Variants in SPATA2L observed in about 807,000 individuals in gnomAD.
SPATA2L encodes the protein spermatogenesis associated 2 like.
A neutral mutation model predicts 8.7 loss-of-function variants in SPATA2L; 5 were observed. The ratio of observed to expected loss-of-function variants is 0.57; its 90% CI spans 0.30 to 1.21. The LOEUF is 1.21. SPATA2L is among the 50% of genes most tolerant of loss of function. The probability of loss-of-function intolerance (pLI) is 0.07; values close to 1 mark genes in which losing one functional copy is unlikely to be tolerated. For missense variants in SPATA2L, 671 were observed against 591.0 expected (o/e 1.14, Z -1.40); for synonymous variants, 358 against 275.8 (o/e 1.30, Z -2.95).
chr16:89,699,627 TACA>T (rs2060762481), intron 2 of SPATA2L, among the ~76,000 whole-genome samples: 1 of 151,576 alleles, frequency 6.6e-6, no homozygotes, highest in African/African-American at 2.4e-5. Flanking sequence ...CTCTGCTCAC[TACA>T]ACCTCCACCT....
Position 89,698,309 on chromosome 16 carries a change from C to T in SPATA2L, c.304-4G>A. The T allele has an allele frequency of 1.3e-6, 2 of 1,552,562 alleles. No homozygotes were observed. The highest frequency in any genetic ancestry group is 1.7e-6 in the Non-Finnish European group (2 of 1,145,234). On this transcript the variant is annotated splice_polypyrimidine_tract_variant and splice_region_variant and intron_variant, in intron 2 of 2. Transcript: ENST00000289805. ...GCACGTAGCCCCCAGAGAAGGTCTGCAAGGGAGCGGCCAGGTCAGTGACTG... is the reference window on the plus strand; with the variant it reads ...GCACGTAGCCCCCAGAGAAGGTCTGTAAGGGAGCGGCCAGGTCAGTGACTG...
intron 2 of SPATA2L, among the ~76,000 whole-genome samples, 200 bp downstream of exon 2, chr16:89,700,730 G>C (rs897952279): frequency 6.6e-6 from 1 of 152,100 alleles, no homozygotes; most frequent in Non-Finnish European, 1.5e-5. Flanking sequence ...GCCTGCCCTC[G>C]CCCACCCCAT....
At position 89,701,148 on chromosome 16, in the gene SPATA2L, G is replaced by T. The variant is rs959725159; in HGVS notation, c.85C>A (p.Pro29Thr). 2 of 1,520,464 alleles carry T rather than the reference G, an allele frequency of 1.3e-6. No homozygotes were observed. The highest frequency in any genetic ancestry group is 5.2e-5 in the East Asian group (2 of 38,746). The allele number at this position is 1,520,464 out of a possible 1,614,324, so 94.2% of individuals were successfully genotyped here. Residue 29 changes from proline to threonine, a missense_variant, in exon 2 of 3, where the codon CCC (proline) becomes ACC (threonine). By Grantham distance (38) the Pro-to-Thr change is conservative (BLOSUM62 -1). Transcript: ENST00000289805. ...TGCCAGAGCACCGCGCGCAGCGAGG[G>T]GTCCCCGCACACGCCCGCGCGGCCC... is the stretch of plus-strand genomic sequence containing the variant. ...RRGRAGVCGD[P>T]SLRAVLWQIL...
chr16:89,700,854 G>T (rs1011723426), intron 2 of SPATA2L, 76 bp downstream of exon 2: 2 of 1,366,412 alleles, frequency 1.5e-6, no homozygotes, highest in Admixed American at 3.2e-5. Flanking sequence ...CTCGAAAGGC[G>T]TGGTCCCCCA....
chr16:89,700,089 G>A (rs1192402227), intron 2 of SPATA2L, among the ~76,000 whole-genome samples: 2 of 152,234 alleles, frequency 1.3e-5, no homozygotes, highest in Non-Finnish European at 2.9e-5. Context: ...GAAAGGGGCT[G>A]ACAGAGATTA....
intron 2 of SPATA2L, 85 bp downstream of exon 2, chr16:89,700,845 T>A: frequency 7.4e-7 from 1 of 1,354,224 alleles, no homozygotes; most frequent in Non-Finnish European, 9.6e-7. Flanking sequence ...CCCCTCTCTC[T>A]CGAAAGGCGT....
In SPATA2L at chr16:89,701,068, A is replaced by G. The variant is rs747184734; in HGVS notation, c.165T>C (p.Ala55=). The G allele has an allele frequency of 6.4e-6, 10 of 1,573,814 alleles. No individual in the cohort carries two copies. The highest frequency in any genetic ancestry group is 8.6e-6 in the Non-Finnish European group (10 of 1,164,248). ...LHGALQDDAL[A]LLTDGLWGRA... is the part of the protein sequence containing the mutation. ...GGCCCCACAGCCCGTCGGTGAGCAG[A>G]GCCAGCGCGTCGTCCTGCAGCGCCC... Residue 55 remains alanine (A), a synonymous_variant, in exon 2 of 3, where the codon GCT becomes GCC. Coordinates refer to ENST00000289805, the MANE Select transcript of SPATA2L (RefSeq NM_152339.4).
At chr16:89,701,453 G>T (rs1199463662) in intron 1 of SPATA2L, 175 bp downstream of exon 1, 3 of 435,004 alleles carry the variant, frequency 6.9e-6, no homozygotes, top group East Asian at 3.6e-5. Flanking sequence ...CCAGTTGAGC[G>T]CCCCCGCACC....
chr16:89,701,186 C>T lies in SPATA2L; in HGVS notation c.47G>A (p.Arg16His). The T allele has an allele frequency of 2.7e-6, 4 of 1,482,628 alleles. No homozygotes were observed. Among genetic ancestry groups the T allele is most frequent in the African/African-American group, 1.5e-5 (1 of 68,612 alleles). 91.8% of individuals were successfully genotyped at this position (1,482,628 alleles called of 1,614,324 possible). The change falls in exon 2 of 3, where the codon CGC (arginine) becomes CAC (histidine). Residue 16 changes from arginine (R) to histidine (H), a missense_variant. Arg to His is a conservative substitution (Grantham distance 29). Coordinates refer to ENST00000289805, the MANE Select transcript of SPATA2L (RefSeq NM_152339.4). ...GCCCGCGCGGCCCCGTCGCAGCTCGCGCTCCAGGCACTGGCGGTAGTCCTC... is the reference window on the plus strand; with the variant it reads ...GCCCGCGCGGCCCCGTCGCAGCTCGTGCTCCAGGCACTGGCGGTAGTCCTC... ...LSEDYRQCLE[R>H]ELRRGRAGVC...
In SPATA2L at chr16:89,696,959, C is replaced by T. The variant is rs1490618682; in HGVS notation, c.*375G>A. 2 of 1,490,322 alleles carry T rather than the reference C, an allele frequency of 1.3e-6. No homozygotes were observed. Among genetic ancestry groups the T allele is most frequent in the African/African-American group, 1.4e-5 (1 of 72,362 alleles). The allele number at this position is 1,490,322 out of a possible 1,614,324, so 92.3% of individuals were successfully genotyped here. On this transcript the variant is annotated 3_prime_UTR_variant, in exon 3 of 3. Transcript: ENST00000289805. ...ACGTGGAGGACCCCCAAGTCCTGAG[C>T]CCCGTACTCCGTACTGCAGGGAGCA...
chr16:89,699,397 C>G (rs936028818), intron 2 of SPATA2L, among the ~76,000 whole-genome samples: 1 of 152,076 alleles, frequency 6.6e-6, no homozygotes, highest in Non-Finnish European at 1.5e-5. Context: ...TTGTTTTTTT[C>G]CACTACAGTC....
rs759194954 is a variant in SPATA2L, at chr16:89,697,988, C to A, written c.621G>T (p.Glu207Asp). The part of the protein sequence containing the change: ...AWLQQRLAQD[E>D]EPPPLPPRGS... The stretch of plus-strand genomic sequence containing the variant: ...CTCGGGGGGGCAGGGGTGGCGGCTC[C>A]TCATCCTGGGCCAGCCGCTGCTGCA... The change falls in exon 3 of 3, where the codon GAG becomes GAT. Residue 207 changes from glutamate to aspartate, a missense_variant. Transcript: ENST00000289805. 6.2e-7 allele frequency: 1 copy of A among 1,602,588 alleles called. No individual in the cohort carries two copies. The highest frequency in any genetic ancestry group is 8.5e-7 in the Non-Finnish European group (1 of 1,177,482).
Position 89,697,839 on chromosome 16 carries a change from A to T in SPATA2L, c.770T>A (p.Leu257Gln). Residue 257 changes from leucine to glutamine, a missense_variant, in exon 3 of 3, where the codon CTG becomes CAG. Leu to Gln is a moderately radical substitution (Grantham distance 113, BLOSUM62 -2). Transcript: ENST00000289805. ...SPGPDSPPAE[L>Q]AYRPPLWEQS... ...CTCCCAGAGTGGTGGCCTGTAGGCC[A>T]GCTCCGCCGGGGGCGAGTCAGGGCC... 1 of 1,608,434 alleles carries T rather than the reference A, an allele frequency of 6.2e-7. No homozygotes were observed. The highest frequency in any genetic ancestry group is 8.5e-7 in the Non-Finnish European group (1 of 1,178,426).
chr16:89,699,441 C>A (rs2060760567), intron 2 of SPATA2L, among the ~76,000 whole-genome samples: 1 of 152,198 alleles, frequency 6.6e-6, no homozygotes, highest in African/African-American at 2.4e-5. Context: ...AACGTTCATT[C>A]CCCCTGCTGT....
intron 1 of SPATA2L, 166 bp from the exon 2 acceptor site, chr16:89,701,399 C>T (rs2060775013): frequency 1.6e-6 from 1 of 607,114 alleles, no homozygotes; most frequent in African/African-American, 1.9e-5. Context: ...CGCTGGAGAC[C>T]TCGGCCCCAT....
rs536585398 is a variant in SPATA2L, at chr16:89,696,658, C to G, written c.*676G>C. On this transcript the variant is annotated 3_prime_UTR_variant, in exon 3 of 3. Coordinates refer to ENST00000289805, the MANE Select transcript of SPATA2L (RefSeq NM_152339.4). Reference sequence around the variant, plus strand: ...TGGGCGGGCTGTCCACAGGCCCTTCCGCCCAGCAGCAGTGACGCTCAGGGC... The same window carrying G: ...TGGGCGGGCTGTCCACAGGCCCTTCGGCCCAGCAGCAGTGACGCTCAGGGC... 46 of 983,224 alleles carry G rather than the reference C, an allele frequency of 4.7e-5. No homozygotes were observed. The highest frequency in any genetic ancestry group is 1.2e-4 in the South Asian group (7 of 57,586). The allele number at this position is 983,224 out of a possible 1,614,324, so 60.9% of individuals were successfully genotyped here. A position where few individuals can be genotyped will look rare whatever the true frequency, so the allele number is the denominator to read the frequency against.
chr16:89,700,790 G>A, intron 2 of SPATA2L, 140 bp downstream of exon 2: 2 of 961,446 alleles, frequency 2.1e-6, no homozygotes, highest in Non-Finnish European at 2.8e-6. Flanking sequence ...ACCCCTCAGC[G>A]CTCGGAGCCT....
intron 2 of SPATA2L, among the ~76,000 whole-genome samples, chr16:89,699,138 A>C (rs1337330517): frequency 4.6e-5 from 7 of 152,118 alleles, no homozygotes; most frequent in Admixed American, 3.3e-4. Flanking sequence ...CTAGCTCACA[A>C]ATCAGAACAA....
At position 89,698,194 on chromosome 16, in the gene SPATA2L, C is replaced by T. The variant is rs766706882; in HGVS notation, c.415G>A (p.Val139Met). 9 of 1,613,016 alleles carry T rather than the reference C, an allele frequency of 5.6e-6. No homozygotes were observed. In the South Asian group the frequency reaches 9.9e-5, roughly 18 times the overall value. Reference protein sequence around the residue: ...YVRRDSHRLMVTALPPACQLV... With the variant: ...YVRRDSHRLMMTALPPACQLV... ...TGGCAGGCGGGGGGCAGGGCGGTCA[C>T]CATGAGCCGATGGCTGTCTCTGCGT... is the stretch of plus-strand genomic sequence containing the variant. Residue 139 changes from valine to methionine, a missense_variant, in exon 3 of 3, where the codon GTG becomes ATG. Transcript: ENST00000289805.
Sources: allele counts gnomAD v4.1 joint callset (sites outside exome capture counted in the v4.1 genomes callset), GRCh38; gene constraint gnomAD v4.1.1; transcripts MANE v1.5; gene names NCBI Gene and HGNC (gene_info 2026-07-23, HGNC 2026-07-21).